The following STK3 variants were observed in gnomAD, a reference collection of about 807,000 sequenced individuals.
The protein encoded by STK3 is serine/threonine kinase 3.
A neutral mutation model predicts 58.0 loss-of-function variants in STK3; 41 were observed. The observed-to-expected ratio is 0.71, with a 90% CI of 0.55 to 0.92. The LOEUF is 0.92. STK3 is among the 40% of genes least tolerant of loss of function. The pLI is 0.00. For synonymous variants in STK3, 170 were observed against 191.0 expected, an observed-to-expected ratio of 0.89 and a Z score of 0.91; for missense variants, 479 against 602.7, an observed-to-expected ratio of 0.79 and a Z score of 2.15.
At chr8:98,752,506 A>C (rs1219499959) in intron 3 of STK3, among the ~76,000 whole-genome samples, 2 of 152,180 alleles carry the variant, frequency 1.3e-5, no homozygotes, top group Non-Finnish European at 2.9e-5. Flanking sequence ...AAAACCCTGG[A>C]AGACAACCTA....
At chr8:98,831,107 G>A (rs1835519610) in intron 3 of STK3, among the ~76,000 whole-genome samples, 1 of 151,846 alleles carries the variant, frequency 6.6e-6, no homozygotes, top group South Asian at 2.1e-4. Context: ...AGTGCTCTAA[G>A]AGAAATGGGA....
At chr8:98,670,247 T>C (rs555859729) in intron 6 of STK3, among the ~76,000 whole-genome samples, 11 of 152,164 alleles carry the variant, frequency 7.2e-5, no homozygotes, top group East Asian at 1.9e-4. Flanking sequence ...TGTGTGCCTA[T>C]AGTACCAGCT....
intron 2 of STK3, among the ~76,000 whole-genome samples, chr8:98,772,007 G>A (rs900888653): frequency 1.6e-4 from 24 of 152,126 alleles, no homozygotes; most frequent in African/African-American, 5.5e-4. Context: ...TAAGCACTAA[G>A]TTTATTTTTT....
intron 1 of STK3, among the ~76,000 whole-genome samples, chr8:98,787,167 CAAAAAAA>C (rs35568354): frequency 1.3e-4 from 3 of 22,674 alleles, no homozygotes; most frequent in African/African-American, 1.9e-4. Flanking sequence ...GACTCCACCT[CAAAAAAA>C]AAAAAAAAAA....
At chr8:98,893,468 AAG>A (rs1329716577) in intron 1 of STK3, among the ~76,000 whole-genome samples, 1 of 97,848 alleles carries the variant, frequency 1.0e-5, no homozygotes, top group African/African-American at 5.2e-5. Context: ...GAAAGAAAGA[AAG>A]AAAGAAAGAA....
intron 6 of STK3, among the ~76,000 whole-genome samples, chr8:98,703,898 AC>A (rs1563910293): frequency 6.6e-6 from 1 of 152,106 alleles, no homozygotes; most frequent in African/African-American, 2.4e-5. Context: ...CCCTCACTAT[AC>A]CCCCCACAAA....
chr8:98,639,829 G>A (rs1324464012), intron 6 of STK3, among the ~76,000 whole-genome samples: 1 of 152,032 alleles, frequency 6.6e-6, no homozygotes, highest in African/African-American at 2.4e-5. Flanking sequence ...TTTGGTTCCT[G>A]GCCAGGCGCG....
intron 3 of STK3, among the ~76,000 whole-genome samples, chr8:98,865,842 G>A (rs1837118874): frequency 6.6e-6 from 1 of 152,246 alleles, no homozygotes; most frequent in Admixed American, 6.5e-5. Context: ...CCCTGCAGTG[G>A]TCACTGTGTG....
rs1451419181 is a variant in STK3 at position 98,742,457 on chromosome 8, G to A, written c.351+6819C>T. ...CAAATCAATAAACGTAATCCATCAC[G>A]TAAACAGAACCAACGACAAAAACCA... On this transcript the variant is annotated intron_variant, in intron 4 of 10. Transcript: ENST00000419617. 5.7e-5 allele frequency among the ~76,000 whole-genome samples: 7 copies of A among 122,614 alleles called. 1 individual carries two copies. The highest frequency in any genetic ancestry group is 2.4e-4 in the South Asian group (1 of 4,218). 80.4% of individuals were successfully genotyped at this position (122,614 alleles called of 152,430 possible).
intron 3 of STK3, among the ~76,000 whole-genome samples, chr8:98,877,989 G>A (rs147200023): frequency 0.011 from 1,618 of 152,098 alleles, 15 homozygotes; most frequent in Admixed American, 0.048. Flanking sequence ...GAACTGACCT[G>A]CTCAAACTGG....
intron 10 of STK3, among the ~76,000 whole-genome samples, chr8:98,492,867 G>C (rs866909681): frequency 6.6e-6 from 1 of 151,844 alleles, no homozygotes; most frequent in Non-Finnish European, 1.5e-5. Context: ...TCTTTCCTTA[G>C]GAACTTCATT....
chr8:98,522,282 ACT>A (rs1825423371), intron 10 of STK3, among the ~76,000 whole-genome samples: 1 of 152,136 alleles, frequency 6.6e-6, no homozygotes, highest in Non-Finnish European at 1.5e-5. Flanking sequence ...TCATTAATGA[ACT>A]CTGATTTCCT....
chr8:98,618,152 G>C (rs1343080264), intron 6 of STK3, among the ~76,000 whole-genome samples: 2 of 151,832 alleles, frequency 1.3e-5, no homozygotes, highest in African/African-American at 2.4e-5. Flanking sequence ...TGCAAGGCTG[G>C]TTCAATATAC....
intron 3 of STK3, among the ~76,000 whole-genome samples, chr8:98,422,991 G>C (rs1818190767): frequency 6.6e-6 from 1 of 152,134 alleles, no homozygotes; most frequent in Non-Finnish European, 1.5e-5. Context: ...ATGCAGCTAG[G>C]ACTGAGATCT....
At chr8:98,556,536 TA>T (rs1315541637) in intron 8 of STK3, among the ~76,000 whole-genome samples, 3 of 151,988 alleles carry the variant, frequency 2.0e-5, no homozygotes, top group Non-Finnish European at 4.4e-5. Context: ...ACTGCAGAAA[TA>T]ACCGAGAACA....
chr8:98,812,033 C>A (rs1053386630), intron 1 of STK3, among the ~76,000 whole-genome samples: 8 of 152,138 alleles, frequency 5.3e-5, no homozygotes, highest in Admixed American at 2.0e-4. Context: ...TGTTCTCGAA[C>A]TTCTGATCTC....
chr8:98,515,447 C>T (rs1050918241), intron 10 of STK3, among the ~76,000 whole-genome samples: 1 of 152,088 alleles, frequency 6.6e-6, no homozygotes, highest in African/African-American at 2.4e-5. Context: ...GTCTGCACCC[C>T]GCACCTCGGC....
chr8:98,445,186 C>T (rs151228102), intron 1 of STK3, among the ~76,000 whole-genome samples: 91 of 152,130 alleles, frequency 6.0e-4, no homozygotes, highest in Non-Finnish European at 1.1e-3. Context: ...TCATCACCTC[C>T]CCCAAAAATC....
chr8:98,759,679 C>T (rs1379440864), intron 3 of STK3, among the ~76,000 whole-genome samples: 1 of 151,502 alleles, frequency 6.6e-6, no homozygotes. Flanking sequence ...TGAAGAAGTA[C>T]AACAGAGTAA....
Sources: gnomAD v4.1 joint callset for allele counts (sites outside exome capture counted in the v4.1 genomes callset) on GRCh38, gnomAD v4.1.1 for gene constraint, MANE v1.5 for transcripts, NCBI Gene and HGNC (gene_info 2026-07-23, HGNC 2026-07-21) for gene names.